Variants in SLX4IP observed in about 807,000 individuals in gnomAD.
The protein encoded by SLX4IP is protein SLX4IP.
Under a neutral mutation model 32.9 loss-of-function variants are expected in SLX4IP, and 34 were observed. The observed-to-expected ratio is 1.03, with a 90% CI of 0.79 to 1.38. SLX4IP has a LOEUF of 1.38. SLX4IP is among the 40% of genes most tolerant of loss of function. The pLI is 0.00. For synonymous variants in SLX4IP, 172 were observed against 171.7 expected (o/e 1.00, Z -0.01); for missense variants, 444 against 479.0 (o/e 0.93, Z 0.68).
intron 3 of SLX4IP, 38 bp from the exon 4 acceptor site, chr20:10,560,662 A>G: frequency 7.1e-7 from 1 of 1,410,066 alleles, no homozygotes; most frequent in Non-Finnish European, 9.5e-7. Context: ...TTTTTGCATT[A>G]AATTTGAAGG....
At chr20:10,605,267 T>C (rs2066892363) in intron 6 of SLX4IP, among the ~76,000 whole-genome samples, 2 of 152,174 alleles carry the variant, frequency 1.3e-5, no homozygotes, top group African/African-American at 4.8e-5. Flanking sequence ...TTCCCATCTG[T>C]TTTTACCATC....
chr20:10,459,589 A>G (rs1275700193), intron 2 of SLX4IP, among the ~76,000 whole-genome samples: 1 of 152,178 alleles, frequency 6.6e-6, no homozygotes, highest in East Asian at 1.9e-4. Context: ...TTCCATGTCC[A>G]TGGCTTGATT....
At chr20:10,441,490 C>A (rs2065159248) in intron 1 of SLX4IP, among the ~76,000 whole-genome samples, 1 of 151,976 alleles carries the variant, frequency 6.6e-6, no homozygotes, top group African/African-American at 2.4e-5. Flanking sequence ...GTAAAGCATC[C>A]CATGCAGTGG....
rs182439329 is a variant in SLX4IP at position 10,625,467 on chromosome 20, T to A, written c.*2088T>A. On this transcript the variant is annotated 3_prime_UTR_variant, in exon 8 of 8. Coordinates refer to ENST00000334534, the MANE Select transcript of SLX4IP (RefSeq NM_001009608.3). ...GAACATTTCTATTGAGAAGTTTTTA[T>A]TTGTTTGTTCTGTTGGTTTTTTGTT... The A allele has an allele frequency of 1.3e-5, 2 of 152,306 alleles. No homozygotes were observed. The highest frequency in any genetic ancestry group is 3.9e-4 in the East Asian group (2 of 5,186). The allele number at this position is 152,306 out of a possible 1,614,324, so 9.4% of individuals were successfully genotyped here. A position where few individuals can be genotyped will look rare whatever the true frequency, so the allele number is the denominator to read the frequency against.
intron 2 of SLX4IP, among the ~76,000 whole-genome samples, chr20:10,491,665 G>A (rs1263565446): frequency 6.6e-6 from 1 of 152,064 alleles, no homozygotes; most frequent in East Asian, 1.9e-4. Context: ...TATGTGTTAT[G>A]TAATAATTTG....
chr20:10,450,402 T>C (rs1282956452), intron 1 of SLX4IP, among the ~76,000 whole-genome samples: 1 of 152,230 alleles, frequency 6.6e-6, no homozygotes, highest in Non-Finnish European at 1.5e-5. Context: ...AAAAAATTCA[T>C]ATAAAGTTTT....
At chr20:10,461,402 C>T (rs146318383) in intron 2 of SLX4IP, among the ~76,000 whole-genome samples, 3 of 152,338 alleles carry the variant, frequency 2.0e-5, no homozygotes, top group East Asian at 1.9e-4. Flanking sequence ...TTGCCTCAAC[C>T]GTGAGTATCA....
At chr20:10,469,212 A>G (rs961810973) in intron 2 of SLX4IP, among the ~76,000 whole-genome samples, 4 of 152,302 alleles carry the variant, frequency 2.6e-5, no homozygotes, top group African/African-American at 9.6e-5. Flanking sequence ...GTCTTGGCTC[A>G]TAGAGAACAG....
At chr20:10,571,115 G>A (rs1189468664) in intron 4 of SLX4IP, among the ~76,000 whole-genome samples, 2 of 152,214 alleles carry the variant, frequency 1.3e-5, no homozygotes, top group Non-Finnish European at 2.9e-5. Context: ...TTACAGACGT[G>A]AGCCTCCATG....
At chr20:10,454,040 A>C (rs1255041135) in intron 1 of SLX4IP, among the ~76,000 whole-genome samples, 1 of 152,076 alleles carries the variant, frequency 6.6e-6, no homozygotes, top group Admixed American at 6.6e-5. Context: ...TAGTATCTGC[A>C]ATCTCCCTAA....
chr20:10,542,592 T>C (rs999835597), intron 2 of SLX4IP, among the ~76,000 whole-genome samples: 2 of 152,218 alleles, frequency 1.3e-5, no homozygotes, highest in Non-Finnish European at 2.9e-5. Flanking sequence ...GCATAAAGCC[T>C]CATCCTGTCA....
intron 2 of SLX4IP, among the ~76,000 whole-genome samples, chr20:10,464,910 C>G (rs2065367277): frequency 6.6e-6 from 1 of 152,090 alleles, no homozygotes; most frequent in African/African-American, 2.4e-5. Flanking sequence ...CCGACTTGGC[C>G]TCCTACGTAG....
chr20:10,591,260 T>C (rs2066705964), intron 4 of SLX4IP, among the ~76,000 whole-genome samples: 1 of 152,230 alleles, frequency 6.6e-6, no homozygotes, highest in Admixed American at 6.5e-5. Context: ...TTTTAAAAGA[T>C]GGTTTTAATG....
Position 10,598,543 on chromosome 20 carries a change from C to T in SLX4IP, c.239-132C>T. On this transcript the variant is annotated intron_variant, in intron 4 of 7. Coordinates refer to ENST00000334534, the MANE Select transcript of SLX4IP (RefSeq NM_001009608.3). ...CCTCCCGAATTGTTGGGATTACAGGCGTGAGTCATCACACTCAGCTTCATT... is the reference window on the plus strand; with the variant it reads ...CCTCCCGAATTGTTGGGATTACAGGTGTGAGTCATCACACTCAGCTTCATT... 14 of 837,302 alleles carry T rather than the reference C, an allele frequency of 1.7e-5. No homozygotes were observed. The South Asian group carries it at 1.9e-4, about 11-fold the overall frequency. 51.9% of individuals were successfully genotyped at this position (837,302 alleles called of 1,614,324 possible). A position where few individuals can be genotyped will look rare whatever the true frequency, so the allele number is the denominator to read the frequency against.
chr20:10,457,580 C>CT (rs1250482289), intron 1 of SLX4IP, among the ~76,000 whole-genome samples: 3 of 151,518 alleles, frequency 2.0e-5, no homozygotes, highest in Non-Finnish European at 4.4e-5. Context: ...GGTGTATAAT[C>CT]TTTTTTACAT....
chr20:10,609,104 C>T (rs78485776), intron 6 of SLX4IP, among the ~76,000 whole-genome samples: 6,136 of 152,142 alleles, frequency 0.04, 162 homozygotes, highest in Non-Finnish European at 0.056. Context: ...GAAGGAGCAG[C>T]GACCACCCAG....
At chr20:10,613,548 T>C (rs2066992487) in intron 6 of SLX4IP, 1 of 1,611,938 alleles carries the variant, frequency 6.2e-7, no homozygotes, top group African/African-American at 1.3e-5. Flanking sequence ...CCAATCCTTT[T>C]GTCTGCTCTG....
chr20:10,514,068 AG>A (rs969711275), intron 2 of SLX4IP, among the ~76,000 whole-genome samples: 16 of 152,318 alleles, frequency 1.1e-4, no homozygotes, highest in Admixed American at 5.9e-4. Context: ...TTTCCAAAGC[AG>A]TGACCCTAAC....
chr20:10,595,834 G>A (rs970606895), intron 4 of SLX4IP, among the ~76,000 whole-genome samples: 8 of 152,084 alleles, frequency 5.3e-5, no homozygotes, highest in African/African-American at 9.7e-5. Context: ...ATGACCAGTC[G>A]AATTTGGATT....
Sources: gnomAD v4.1 joint callset for allele counts (sites outside exome capture counted in the v4.1 genomes callset) on GRCh38, gnomAD v4.1.1 for gene constraint, MANE v1.5 for transcripts, NCBI Gene and HGNC (gene_info 2026-07-23, HGNC 2026-07-21) for gene names.